The following MICAL3 variants were observed in gnomAD, a reference collection of about 807,000 sequenced individuals.
The protein encoded by MICAL3 is [F-actin]-monooxygenase MICAL3.
MICAL3 carries 62 observed loss-of-function variants against 207.4 expected under a neutral mutation model. The ratio of observed to expected loss-of-function variants is 0.30; its 90% CI spans 0.24 to 0.37. The LOEUF is 0.37. MICAL3 is among the 10% of genes least tolerant of loss of function. MICAL3 has a pLI of 1.00. For missense variants in MICAL3, 2,368 were observed against 2,635.6 expected (o/e 0.90, Z 2.22); for synonymous variants, 1,077 against 1,069.3 (o/e 1.01, Z -0.14).
chr22:17,972,219 C>T (rs1015794901), intron 1 of MICAL3, among the ~76,000 whole-genome samples: 1 of 152,102 alleles, frequency 6.6e-6, no homozygotes, highest in African/African-American at 2.4e-5. Flanking sequence ...CCAGACCATC[C>T]CATCTCAAAC....
At chr22:17,847,388 G>A (rs1303911171) in intron 19 of MICAL3, among the ~76,000 whole-genome samples, 2 of 152,210 alleles carry the variant, frequency 1.3e-5, no homozygotes, top group South Asian at 2.1e-4. Context: ...TTCCCATCCT[G>A]TTTCCCATGT....
At chr22:17,991,654 A>G (rs536226741) in intron 1 of MICAL3, among the ~76,000 whole-genome samples, 5 of 152,326 alleles carry the variant, frequency 3.3e-5, no homozygotes, top group South Asian at 2.1e-4. Flanking sequence ...TAACTCATTT[A>G]TAGAAGACAT....
At chr22:17,843,259 T>G (rs1924256073) in intron 19 of MICAL3, among the ~76,000 whole-genome samples, 2 of 152,214 alleles carry the variant, frequency 1.3e-5, no homozygotes, top group African/African-American at 2.4e-5. Context: ...GTTTTACAAC[T>G]GTGCTTTGGT....
In MICAL3 at chr22:17,896,865, A is replaced by C; in HGVS notation, c.1065T>G (p.Asp355Glu). The C allele has an allele frequency of 6.2e-7, 1 of 1,614,150 alleles. No homozygotes were observed. Among genetic ancestry groups the C allele is most frequent in the Non-Finnish European group, 8.5e-7 (1 of 1,180,016 alleles). The change falls in exon 8 of 32, where the codon GAT becomes GAG. Residue 355 changes from aspartate to glutamate, a missense_variant. Around this residue, in one of 4 missense-constraint regions of MICAL3, gnomAD observed 400 missense variants for 547.0 expected, o/e 0.73. Coordinates refer to ENST00000441493, the MANE Select transcript of MICAL3 (RefSeq NM_015241.3). ...FSTQQQLPSL[D>E]FAINHYGQPD... ...GCTGCCCATAGTGATTGATGGCAAA[A>C]TCCAGAGACGGCAGCTGCTGCTGGG...
At chr22:17,804,881 T>C (rs2061974795) in intron 29 of MICAL3, among the ~76,000 whole-genome samples, 1 of 152,180 alleles carries the variant, frequency 6.6e-6, no homozygotes, top group Non-Finnish European at 1.5e-5. Context: ...GCTGAGTCAG[T>C]GTTTTTGTAA....
At chr22:17,870,641 T>G (rs1569105146) in intron 17 of MICAL3, among the ~76,000 whole-genome samples, 1 of 152,164 alleles carries the variant, frequency 6.6e-6, no homozygotes, top group Non-Finnish European at 1.5e-5. Context: ...CGAGGTTGGG[T>G]GGCTCCCTCT....
At chr22:17,972,171 C>T (rs1935442800) in intron 1 of MICAL3, among the ~76,000 whole-genome samples, 1 of 152,172 alleles carries the variant, frequency 6.6e-6, no homozygotes, top group African/African-American at 2.4e-5. Context: ...AAAATCTTGG[C>T]CCTCAAATTT....
intron 1 of MICAL3, among the ~76,000 whole-genome samples, chr22:17,963,390 T>C (rs1322199304): frequency 1.3e-5 from 2 of 152,126 alleles, no homozygotes; most frequent in African/African-American, 4.8e-5. Context: ...ATGACAGCCA[T>C]CTCCATTCTT....
At chr22:17,958,005 A>T (rs1486697197) in intron 1 of MICAL3, among the ~76,000 whole-genome samples, 1 of 152,130 alleles carries the variant, frequency 6.6e-6, no homozygotes, top group Non-Finnish European at 1.5e-5. Flanking sequence ...AAAACCTAAA[A>T]ATTCCACATT....
intron 1 of MICAL3, among the ~76,000 whole-genome samples, chr22:17,993,111 T>C (rs1383903923): frequency 1.3e-5 from 2 of 152,234 alleles, no homozygotes; most frequent in Non-Finnish European, 2.9e-5. Context: ...CCCAAGCCCA[T>C]GTCACTAGTT....
chr22:18,008,606 G>A (rs1923549818), intron 1 of MICAL3, among the ~76,000 whole-genome samples: 2 of 152,222 alleles, frequency 1.3e-5, no homozygotes, highest in South Asian at 4.1e-4. Flanking sequence ...TTAATCTTCT[G>A]TAGAAAAGCT....
intron 1 of MICAL3, among the ~76,000 whole-genome samples, chr22:17,981,549 A>G (rs1935908449): frequency 1.3e-5 from 2 of 152,212 alleles, no homozygotes; most frequent in Non-Finnish European, 2.9e-5. Context: ...TGAACAAAAC[A>G]ATAAACCCAG....
chr22:17,875,746 T>G (rs73386335), intron 16 of MICAL3, among the ~76,000 whole-genome samples: 6,749 of 151,296 alleles, frequency 0.045, 237 homozygotes, highest in African/African-American at 0.098. Flanking sequence ...GCTTCCGTTT[T>G]GCTTTTAACT....
intron 1 of MICAL3, among the ~76,000 whole-genome samples, chr22:17,916,931 T>C (rs901949380): frequency 5.3e-5 from 8 of 152,294 alleles, no homozygotes; most frequent in African/African-American, 1.9e-4. Context: ...TCTTTTCACA[T>C]AAATTTAATT....
intron 1 of MICAL3, among the ~76,000 whole-genome samples, chr22:18,008,994 A>C (rs1426651298): frequency 6.6e-6 from 1 of 152,222 alleles, no homozygotes; most frequent in Non-Finnish European, 1.5e-5. Flanking sequence ...TTCTCACAAT[A>C]TAATGGTTCA....
At chr22:18,000,592 C>A (rs1316248017) in intron 1 of MICAL3, among the ~76,000 whole-genome samples, 1 of 152,262 alleles carries the variant, frequency 6.6e-6, no homozygotes, top group African/African-American at 2.4e-5. Flanking sequence ...CTAGGCCAGG[C>A]AAGCCCGGTT....
intron 1 of MICAL3, among the ~76,000 whole-genome samples, chr22:17,966,273 G>A (rs922500018): frequency 1.3e-5 from 2 of 152,072 alleles, no homozygotes; most frequent in African/African-American, 4.8e-5. Flanking sequence ...TGGCCCCACA[G>A]CCTGTGGGCA....
chr22:17,932,838 A>T (rs1376548339), intron 1 of MICAL3, among the ~76,000 whole-genome samples: 1 of 152,274 alleles, frequency 6.6e-6, no homozygotes, highest in East Asian at 1.9e-4. Flanking sequence ...CTGATAAAAC[A>T]GACTTTAAAC....
At chr22:17,941,056 C>T (rs566760562) in intron 1 of MICAL3, among the ~76,000 whole-genome samples, 5 of 152,258 alleles carry the variant, frequency 3.3e-5, no homozygotes, top group South Asian at 2.1e-4. Flanking sequence ...GCCTAGGCCA[C>T]GGGATGAATG....
Sources: gnomAD v4.1 joint callset for allele counts (sites outside exome capture counted in the v4.1 genomes callset) on GRCh38, gnomAD v4.1.1 for gene constraint, gnomAD v4.1.1 regional missense constraint, MANE v1.5 for transcripts, NCBI Gene and HGNC (gene_info 2026-07-23, HGNC 2026-07-21) for gene names.